Variants in ANKDD1B observed in about 807,000 individuals in gnomAD.
ANKDD1B encodes ankyrin repeat and death domain-containing protein 1B.
Under a neutral mutation model 59.7 loss-of-function variants are expected in ANKDD1B, and 57 were observed. The observed-to-expected ratio is 0.95, with a 90% CI of 0.77 to 1.19. The LOEUF is 1.19. Among genes scored for constraint, ANKDD1B ranks in the 50% most tolerant of loss-of-function variants. The pLI is 0.00. For synonymous variants in ANKDD1B, 216 were observed against 239.5 expected (o/e 0.90, Z 0.91); for missense variants, 602 against 641.9 (o/e 0.94, Z 0.67).
chr5:75,669,214 C>G, intron 12 of ANKDD1B, 38 bp from the exon 13 acceptor site: 1 of 1,231,448 alleles, frequency 8.1e-7, no homozygotes, highest in South Asian at 4.1e-5. Flanking sequence ...GATAGCAGCT[C>G]GTGGTGTTTT....
At chr5:75,660,606 G>A (rs900716858) in intron 10 of ANKDD1B, among the ~76,000 whole-genome samples, 3 of 152,184 alleles carry the variant, frequency 2.0e-5, no homozygotes, top group Admixed American at 6.5e-5. Flanking sequence ...CTAAGCCTCC[G>A]GAGGGTTGTC....
intron 7 of ANKDD1B, among the ~76,000 whole-genome samples, chr5:75,649,226 T>G (rs1774754303): frequency 6.6e-6 from 1 of 151,998 alleles, no homozygotes; most frequent in Non-Finnish European, 1.5e-5. Context: ...TAAAAGGCTT[T>G]TTTGTTTTTG....
chr5:75,660,592 C>G (rs1412946229), intron 10 of ANKDD1B, among the ~76,000 whole-genome samples: 1 of 152,208 alleles, frequency 6.6e-6, no homozygotes, highest in Admixed American at 6.5e-5. Context: ...TGCAGTAATG[C>G]AGGCTAAGCC....
intron 7 of ANKDD1B, among the ~76,000 whole-genome samples, chr5:75,643,513 T>C (rs199543400): frequency 0.045 from 1,071 of 23,868 alleles, 1 homozygote; most frequent in Non-Finnish European, 0.048. Context: ...GAAGATGAAA[T>C]GAATGAAATG....
At chr5:75,612,724 G>C (rs1411385870) in intron 1 of ANKDD1B, among the ~76,000 whole-genome samples, 1 of 152,070 alleles carries the variant, frequency 6.6e-6, no homozygotes, top group African/African-American at 2.4e-5. Context: ...AAATGAATAA[G>C]ATAATTTAAG....
At chr5:75,652,822 T>A (rs938835842) in intron 7 of ANKDD1B, among the ~76,000 whole-genome samples, 1 of 152,200 alleles carries the variant, frequency 6.6e-6, no homozygotes, top group African/African-American at 2.4e-5. Flanking sequence ...TGTGTGAACA[T>A]AAATAGAGTG....
chr5:75,635,849 A>T lies in ANKDD1B; in HGVS notation c.765A>T (p.Leu255=). The change falls in exon 7 of 14, where the codon CTA becomes CTT. Residue 255 remains leucine, a synonymous_variant. Coordinates refer to ENST00000601380, the MANE Select transcript of ANKDD1B (RefSeq NM_001276713.2). The part of the protein sequence containing the change: ...HGHSPAVQVL[L]AQWQDINEMN... Reference sequence around the variant, plus strand: ...ACAGTCCTGCAGTGCAGGTGCTGCTAGCCCAGTGGCAAGACATAAATGAGA... The same window carrying T: ...ACAGTCCTGCAGTGCAGGTGCTGCTTGCCCAGTGGCAAGACATAAATGAGA... The T allele has an allele frequency of 6.5e-7, 1 of 1,533,508 alleles. No individual in the cohort carries two copies. Among genetic ancestry groups the T allele is most frequent in the South Asian group, 1.2e-5 (1 of 83,908 alleles). The allele number at this position is 1,533,508 out of a possible 1,614,324, so 95.0% of individuals were successfully genotyped here. A position where few individuals can be genotyped will look rare whatever the true frequency, so the allele number is the denominator to read the frequency against.
At chr5:75,633,723 G>A (rs1439490042) in intron 5 of ANKDD1B, among the ~76,000 whole-genome samples, 1 of 152,166 alleles carries the variant, frequency 6.6e-6, no homozygotes, top group Non-Finnish European at 1.5e-5. Context: ...ATCTGTTATA[G>A]TTTGGCTATG....
At position 75,620,411 on chromosome 5, in the gene ANKDD1B, A is replaced by G; in HGVS notation, c.394A>G (p.Lys132Glu). 1 of 1,522,840 alleles carries G rather than the reference A, an allele frequency of 6.6e-7. No individual in the cohort carries two copies. The highest frequency in any genetic ancestry group is 8.8e-7 in the Non-Finnish European group (1 of 1,135,240). The allele number at this position is 1,522,840 out of a possible 1,614,324, so 94.3% of individuals were successfully genotyped here. A position where few individuals can be genotyped will look rare whatever the true frequency, so the allele number is the denominator to read the frequency against. ...KHKARVDVAD[K>E]HGLTVIHLAA... is the part of the protein sequence containing the mutation. ...CAAGGCCAGGGTGGATGTTGCTGAT[A>G]AGGTAAGCTCATCTTGAGTAGAACA... is the stretch of plus-strand genomic sequence containing the variant. The change falls in exon 3 of 14, where the codon AAG becomes GAG. Residue 132 changes from lysine (K) to glutamate (E), a missense_variant and splice_region_variant. Lys to Glu is a moderately conservative substitution (Grantham distance 56). Transcript: ENST00000601380.
intron 5 of ANKDD1B, among the ~76,000 whole-genome samples, chr5:75,632,814 T>C (rs1397526159): frequency 1.3e-5 from 2 of 152,234 alleles, no homozygotes; most frequent in Non-Finnish European, 2.9e-5. Flanking sequence ...TGCTTATGTG[T>C]CCATCTCTCC....
At chr5:75,663,928 C>T (rs942982774) in intron 11 of ANKDD1B, among the ~76,000 whole-genome samples, 2 of 152,198 alleles carry the variant, frequency 1.3e-5, no homozygotes, top group African/African-American at 2.4e-5. Context: ...GTGAGAGTCA[C>T]GAAAACCTTA....
chr5:75,653,858 T>C (rs1333753531), intron 8 of ANKDD1B, among the ~76,000 whole-genome samples: 4 of 152,210 alleles, frequency 2.6e-5, no homozygotes, highest in African/African-American at 9.7e-5. Flanking sequence ...TCATGTCAGA[T>C]AGTTTTTGGA....
At chr5:75,630,462 T>C (rs1020220699) in intron 5 of ANKDD1B, among the ~76,000 whole-genome samples, 2 of 152,226 alleles carry the variant, frequency 1.3e-5, no homozygotes, top group African/African-American at 2.4e-5. Context: ...AAACTAATAG[T>C]GTTTCCATGG....
At chr5:75,670,831 G>A (rs1775457467) in intron 13 of ANKDD1B, 148 bp from the exon 14 acceptor site, 1 of 371,908 alleles carries the variant, frequency 2.7e-6, no homozygotes, top group African/African-American at 2.1e-5. Flanking sequence ...ACCTTCCTGT[G>A]ACAACCTTCT....
chr5:75,655,909 G>A (rs940338948), intron 8 of ANKDD1B, 120 bp from the exon 9 acceptor site: 32 of 583,958 alleles, frequency 5.5e-5, no homozygotes, highest in Non-Finnish European at 8.5e-5. Context: ...GTCACCACTG[G>A]GATGGGCAGT....
chr5:75,648,267 TAAA>T (rs57389631), intron 7 of ANKDD1B, among the ~76,000 whole-genome samples: 1,875 of 87,366 alleles, frequency 0.021, 36 homozygotes, highest in Middle Eastern at 0.054. Flanking sequence ...AAAAAAAAAT[TAAA>T]AAAAAAAAAA....
At chr5:75,659,680 C>T (rs976624681) in intron 10 of ANKDD1B, among the ~76,000 whole-genome samples, 2 of 152,002 alleles carry the variant, frequency 1.3e-5, no homozygotes, top group Admixed American at 6.6e-5. Flanking sequence ...AATTTCCCAC[C>T]CACCCCTGTT....
intron 11 of ANKDD1B, among the ~76,000 whole-genome samples, chr5:75,664,140 G>A (rs1022695020): frequency 1.3e-5 from 2 of 152,162 alleles, no homozygotes; most frequent in African/African-American, 4.8e-5. Context: ...TCCATTCTAG[G>A]CTGCGTGGCT....
At chr5:75,616,611 T>C (rs553348893) in intron 1 of ANKDD1B, among the ~76,000 whole-genome samples, 193 bp from the exon 2 acceptor site, 1 of 152,360 alleles carries the variant, frequency 6.6e-6, no homozygotes, top group Admixed American at 6.5e-5. Flanking sequence ...GTGAAAGCGC[T>C]TGCAGCATGA....
Sources: gnomAD v4.1 joint callset for allele counts (sites outside exome capture counted in the v4.1 genomes callset) on GRCh38, gnomAD v4.1.1 for gene constraint, MANE v1.5 for transcripts, NCBI Gene and HGNC (gene_info 2026-07-23, HGNC 2026-07-21) for gene names.